ZFPM1: variants seen among roughly 807,000 people sequenced by gnomAD.
ZFPM1 encodes the protein zinc finger protein, FOG family member 1.
A neutral mutation model predicts 46.3 loss-of-function variants in ZFPM1; 28 were observed. The ratio of observed to expected loss-of-function variants is 0.60; its 90% CI spans 0.45 to 0.83. ZFPM1 has a LOEUF of 0.83. Ranked by LOEUF, ZFPM1 falls within the 40% of genes least tolerant of loss-of-function variation. The pLI, the probability that ZFPM1 is intolerant of heterozygous loss-of-function variation, is 0.00. For missense variants in ZFPM1, 1,878 were observed against 1,432.4 expected (o/e 1.31, Z -5.02); for synonymous variants, 957 against 675.9 (o/e 1.42, Z -6.45).
At chr16:88,513,672 G>A (rs1911106144) in intron 3 of ZFPM1, among the ~76,000 whole-genome samples, 1 of 152,228 alleles carries the variant, frequency 6.6e-6, no homozygotes, top group African/African-American at 2.4e-5. Flanking sequence ...TCGGCTGGGT[G>A]CTAAGTTAGC....
intron 4 of ZFPM1, among the ~76,000 whole-genome samples, chr16:88,520,662 AGGGTGGG>A (rs1264714958): frequency 3.8e-5 from 1 of 26,600 alleles, no homozygotes; most frequent in Admixed American, 5.5e-4. Flanking sequence ...GATGGATGGG[AGGGTGGG>A]TGGATGGGTG....
intron 1 of ZFPM1, among the ~76,000 whole-genome samples, chr16:88,482,477 A>G (rs537056206): frequency 6.6e-6 from 1 of 152,152 alleles, no homozygotes; most frequent in South Asian, 2.1e-4. Context: ...GCTCATCACC[A>G]CGGCTTTGTG....
intron 1 of ZFPM1, 144 bp from the exon 2 acceptor site, chr16:88,485,795 A>G (rs1654684878): frequency 4.5e-6 from 3 of 661,132 alleles, no homozygotes; most frequent in Non-Finnish European, 7.7e-6. Flanking sequence ...CTGTCCTTTG[A>G]CCTCAGGGTG....
chr16:88,505,941 C>T (rs920102446), intron 3 of ZFPM1, among the ~76,000 whole-genome samples: 1 of 152,226 alleles, frequency 6.6e-6, no homozygotes, highest in Admixed American at 6.5e-5. Flanking sequence ...CCCAGCCCCC[C>T]ACAGCCATCC....
At position 88,533,935 on chromosome 16, in the gene ZFPM1, C is replaced by A; in HGVS notation, c.1977C>A (p.Gly659=). The A allele has an allele frequency of 1.6e-6, 2 of 1,256,676 alleles. No individual in the cohort carries two copies. The highest frequency in any genetic ancestry group is 2.0e-6 in the Non-Finnish European group (2 of 980,874). 77.8% of individuals were successfully genotyped at this position (1,256,676 alleles called of 1,614,324 possible). A position where few individuals can be genotyped will look rare whatever the true frequency, so the allele number is the denominator to read the frequency against. ...GGAATPEDGA[G]GRGSEGSQSP... is the part of the protein sequence containing the mutation. ...CGGCCACGCCCGAGGACGGCGCGGG[C>A]GGCCGGGGCAGCGAGGGCAGCCAGA... is the stretch of plus-strand genomic sequence containing the variant. The change falls in exon 10 of 10, where the codon GGC becomes GGA. Residue 659 remains glycine, a synonymous_variant. Transcript: ENST00000319555.
intron 1 of ZFPM1, among the ~76,000 whole-genome samples, chr16:88,458,574 A>C (rs770009902): frequency 1.3e-5 from 2 of 152,150 alleles, no homozygotes; most frequent in Non-Finnish European, 2.9e-5. Flanking sequence ...CGGGCTTGTG[A>C]ATAATACTCC....
At chr16:88,459,306 A>C (rs1019512591) in intron 1 of ZFPM1, among the ~76,000 whole-genome samples, 2 of 152,180 alleles carry the variant, frequency 1.3e-5, no homozygotes, top group Admixed American at 1.3e-4. Context: ...ATAAATGACC[A>C]GAGGGACGCT....
intron 1 of ZFPM1, among the ~76,000 whole-genome samples, chr16:88,454,360 GC>G (rs1323157418): frequency 6.6e-6 from 1 of 152,198 alleles, no homozygotes; most frequent in Non-Finnish European, 1.5e-5. Flanking sequence ...CTGAACCCAG[GC>G]CCCGCCAGCC....
rs149499236 is a variant in ZFPM1, at chr16:88,512,195, G to C, written c.269-2192G>C. ...AGGACCGTTTGCCTGTGGGTGCCTCGTGGGCCGGGTAGGGTGGGCACCAGT... is the reference window on the plus strand; with the variant it reads ...AGGACCGTTTGCCTGTGGGTGCCTCCTGGGCCGGGTAGGGTGGGCACCAGT... On this transcript the variant is annotated intron_variant, in intron 3 of 9. Coordinates refer to ENST00000319555, the MANE Select transcript of ZFPM1 (RefSeq NM_153813.3). 6.1e-3 allele frequency among the ~76,000 whole-genome samples: 927 copies of C among 152,334 alleles called. 6 individuals carry two copies. The highest frequency in any genetic ancestry group is 0.021 in the African/African-American group (873 of 41,578).
chr16:88,497,651 G>A lies in ZFPM1; in HGVS notation c.268+8498G>A, dbSNP rs1178946134. Among the ~76,000 whole-genome samples the A allele has an allele frequency of 4.6e-5, 7 of 152,112 alleles. No individual in the cohort carries two copies. Among genetic ancestry groups the A allele is most frequent in the Non-Finnish European group, 7.4e-5 (5 of 68,002 alleles). On this transcript the variant is annotated intron_variant, in intron 3 of 9. Transcript: ENST00000319555. The surrounding 1 kb of genome is among the most constrained non-coding windows in gnomAD (Gnocchi z 5.4). ...GGGTTTTGTGGGGGGTGTTCGTGCCGTGAGCGATCCGGTCCAGCATCCCGG... is the reference window on the plus strand; with the variant it reads ...GGGTTTTGTGGGGGGTGTTCGTGCCATGAGCGATCCGGTCCAGCATCCCGG...
intron 1 of ZFPM1, among the ~76,000 whole-genome samples, chr16:88,478,090 C>T (rs1177391178): frequency 6.6e-6 from 1 of 152,064 alleles, no homozygotes; most frequent in African/African-American, 2.4e-5. Context: ...CGCTCAACCG[C>T]CATGTCTCCC....
At chr16:88,531,651 A>G (rs1473068848) in intron 6 of ZFPM1, among the ~76,000 whole-genome samples, 1 of 152,104 alleles carries the variant, frequency 6.6e-6, no homozygotes, top group Non-Finnish European at 1.5e-5. Context: ...CCACACGGTC[A>G]CCCCAGTATG....
chr16:88,500,460 A>G (rs1352927318), intron 3 of ZFPM1, among the ~76,000 whole-genome samples: 1 of 152,226 alleles, frequency 6.6e-6, no homozygotes, highest in East Asian at 1.9e-4. Flanking sequence ...CACCCGTGTC[A>G]CCACCAGCGT....
intron 4 of ZFPM1, chr16:88,516,729 C>G (rs561407057): frequency 4.5e-5 from 18 of 396,520 alleles, no homozygotes; most frequent in African/African-American, 3.5e-4. Context: ...CTCCCCGACC[C>G]CTCCCTGAGG....
In ZFPM1 at chr16:88,534,319, C is replaced by G. The variant is rs551773012; in HGVS notation, c.2361C>G (p.Pro787=). The G allele has an allele frequency of 3.0e-3, 4,035 of 1,330,026 alleles. 20 individuals are homozygous for G. Among genetic ancestry groups the G allele is most frequent in the South Asian group, 0.013 (758 of 58,104 alleles). 82.4% of individuals were successfully genotyped at this position (1,330,026 alleles called of 1,614,324 possible). A position where few individuals can be genotyped will look rare whatever the true frequency, so the allele number is the denominator to read the frequency against. Residue 787 remains proline, a synonymous_variant, in exon 10 of 10, where the codon CCC becomes CCG. Transcript: ENST00000319555. ...CCGGCCTCGCCCCTGCGCGCTCGCC[C>G]GGCCCCGCGGCCGACGGCCCCATCG... ...SGPGLAPARS[P]GPAADGPIDL...
intron 2 of ZFPM1, among the ~76,000 whole-genome samples, chr16:88,488,438 C>T (rs952815856): frequency 2.5e-4 from 38 of 152,386 alleles, no homozygotes; most frequent in Admixed American, 1.6e-3. Flanking sequence ...GGCTCCCTCG[C>T]GGTGGCTGGA....
Position 88,534,013 on chromosome 16 carries a change from C to A in ZFPM1, c.2055C>A (p.Cys685Ter). ...DAEDDPSRTL[C>*]EACNIRFSRH... The stretch of plus-strand genomic sequence containing the variant: ...AGGACGACCCCAGCCGCACGCTGTG[C>A]GAGGCCTGCAACATCCGCTTCAGCC... Residue 685 changes from cysteine (C) to a stop codon, truncating the protein, a stop_gained, in exon 10 of 10, where the codon TGC becomes TGA. Transcript: ENST00000319555. LOFTEE classifies it low-confidence loss of function (END_TRUNC). 1.5e-6 allele frequency: 2 copies of A among 1,374,398 alleles called. No homozygotes were observed. The highest frequency in any genetic ancestry group is 1.9e-6 in the Non-Finnish European group (2 of 1,047,598). 85.1% of individuals were successfully genotyped at this position (1,374,398 alleles called of 1,614,324 possible).
chr16:88,488,892 G>A (rs977751827), intron 2 of ZFPM1, 139 bp from the exon 3 acceptor site: 53 of 1,311,494 alleles, frequency 4.0e-5, no homozygotes, highest in Middle Eastern at 2.0e-4. Context: ...CAGTGAGAGC[G>A]CACCAGGAGA....
chr16:88,514,933 C>T (rs1317552904), intron 4 of ZFPM1, among the ~76,000 whole-genome samples: 4 of 152,180 alleles, frequency 2.6e-5, no homozygotes, highest in African/African-American at 4.8e-5. Context: ...CTTCTGACGA[C>T]AGGCACGGCC....
Sources: allele counts gnomAD v4.1 joint callset (sites outside exome capture counted in the v4.1 genomes callset), GRCh38; gene constraint gnomAD v4.1.1; non-coding constraint Gnocchi (gnomAD v3.1); transcripts MANE v1.5; gene names NCBI Gene and HGNC (gene_info 2026-07-23, HGNC 2026-07-21).